The following RFX7 variants were observed in gnomAD, a reference collection of about 807,000 sequenced individuals.
RFX7 encodes DNA-binding protein RFX7.
In RFX7, 26 loss-of-function variants were observed where a neutral mutation model predicts 111.8. The observed-to-expected ratio is 0.23, with a 90% CI of 0.17 to 0.32. RFX7 has a LOEUF of 0.32. Among genes scored for constraint, RFX7 ranks in the 10% least tolerant of loss-of-function variants. The probability of loss-of-function intolerance (pLI) is 1.00; values close to 1 mark genes in which losing one functional copy is unlikely to be tolerated. For missense variants in RFX7, 1,573 were observed against 1,772.9 expected (o/e 0.89, Z 2.02); for synonymous variants, 624 against 624.4 (o/e 1.00, Z 0.01).
intron 5 of RFX7, among the ~76,000 whole-genome samples, chr15:56,139,831 AACAG>A (rs2042362606): frequency 6.6e-6 from 1 of 152,118 alleles, no homozygotes; most frequent in Non-Finnish European, 1.5e-5. Flanking sequence ...TTTTCCTTCT[AACAG>A]ACAGGACCCT....
rs1460013072 is a variant in RFX7, at chr15:56,095,333, G to C, written c.2395C>G (p.Gln799Glu). The stretch of plus-strand genomic sequence containing the variant: ...ATTGTCATAACACTGATATCTTGCT[G>C]TTGTTCACAACTGGCAGATATAAAC... ...SEFISASCEQ[Q>E]QDISVMTIPE... Residue 799 changes from glutamine to glutamate, a missense_variant, in exon 10 of 10, where the codon CAG becomes GAG. Around this residue, in one of 7 missense-constraint regions of RFX7, gnomAD observed 625 missense variants for 632.2 expected, o/e 0.99. Transcript: ENST00000559447. 1.9e-6 allele frequency: 3 copies of C among 1,613,908 alleles called. No homozygotes were observed. Among genetic ancestry groups the C allele is most frequent in the African/African-American group, 1.3e-5 (1 of 75,052 alleles).
chr15:56,239,984 CTTTTTTTTT>C (rs5812831), intron 2 of RFX7, among the ~76,000 whole-genome samples: 35 of 120,924 alleles, frequency 2.9e-4, no homozygotes, highest in East Asian at 8.6e-4. Context: ...TTTGGTATTT[CTTTTTTTTT>C]TTTTTTTTTT....
intron 2 of RFX7, among the ~76,000 whole-genome samples, chr15:56,181,787 C>A (rs2042976313): frequency 6.6e-6 from 1 of 150,600 alleles, no homozygotes; most frequent in South Asian, 2.1e-4. Context: ...ACTTGGTAAA[C>A]CTCTAAAAAA....
chr15:56,093,683 T>C lies in RFX7; in HGVS notation c.4045A>G (p.Thr1349Ala), dbSNP rs1327253294. 1 of 1,613,872 alleles carries C rather than the reference T, an allele frequency of 6.2e-7. No homozygotes were observed. Among genetic ancestry groups the C allele is most frequent in the South Asian group, 1.1e-5 (1 of 91,082 alleles). ...TCTCCACTCAACAGGTCTTTAACAG[T>C]GCTATTGAAATCTAATTGTTGCTCT... Reference protein sequence around the residue: ...IGEQQLDFNSTVKDLLSGDSL... With the variant: ...IGEQQLDFNSAVKDLLSGDSL... Residue 1349 changes from threonine to alanine, a missense_variant, in exon 10 of 10, where the codon ACT becomes GCT. Thr to Ala is a moderately conservative substitution (Grantham distance 58, BLOSUM62 0). This residue lies in a region of RFX7 where 411 missense variants were observed against 478.1 expected (regional missense o/e 0.86). Coordinates refer to ENST00000559447, the MANE Select transcript of RFX7 (RefSeq NM_022841.7).
chr15:56,099,705 G>A (rs1406902718), intron 8 of RFX7, among the ~76,000 whole-genome samples: 2 of 151,788 alleles, frequency 1.3e-5, no homozygotes, highest in Admixed American at 6.6e-5. Flanking sequence ...AATATAGTAA[G>A]GGCTGAGATC....
chr15:56,129,142 G>C (rs111952486), intron 5 of RFX7, among the ~76,000 whole-genome samples: 2 of 152,120 alleles, frequency 1.3e-5, no homozygotes, highest in Non-Finnish European at 2.9e-5. Flanking sequence ...TTGGGAGGCC[G>C]AAGTGGGTGT....
intron 2 of RFX7, among the ~76,000 whole-genome samples, chr15:56,215,127 G>C (rs1490926233): frequency 1.3e-5 from 2 of 152,046 alleles, no homozygotes; most frequent in Non-Finnish European, 2.9e-5. Context: ...TTATCAAATG[G>C]CACAGTATTT....
In RFX7 at chr15:56,095,367, T is replaced by G. The variant is rs1012799326; in HGVS notation, c.2361A>C (p.Lys787Asn). ...AACTGGCAGATATAAACTCAGAATC[T>G]TTAGTGATTTGTTGCCATCCATTTG... ...FNPNGWQQIT[K>N]DSEFISASCE... The change falls in exon 10 of 10, where the codon AAA (lysine) becomes AAC (asparagine). Residue 787 changes from lysine to asparagine, a missense_variant. This residue lies in a region of RFX7 where 625 missense variants were observed against 632.2 expected (regional missense o/e 0.99). Coordinates refer to ENST00000559447, the MANE Select transcript of RFX7 (RefSeq NM_022841.7). 6.2e-7 allele frequency: 1 copy of G among 1,613,738 alleles called. No homozygotes were observed. Among genetic ancestry groups the G allele is most frequent in the African/African-American group, 1.3e-5 (1 of 74,928 alleles).
chr15:56,178,166 T>TACACAC (rs140828561), intron 3 of RFX7, among the ~76,000 whole-genome samples: 43 of 119,674 alleles, frequency 3.6e-4, no homozygotes, highest in South Asian at 1.1e-3. Context: ...ACCAAAAAAC[T>TACACAC]ACACACACAC....
chr15:56,181,045 C>A (rs2042965670), intron 2 of RFX7, among the ~76,000 whole-genome samples: 1 of 152,228 alleles, frequency 6.6e-6, no homozygotes, highest in Non-Finnish European at 1.5e-5. Context: ...CTACTCCCAA[C>A]AAAGTGGCCA....
At chr15:56,186,100 A>ATATTTTTGTTTT (rs1413953199) in intron 2 of RFX7, among the ~76,000 whole-genome samples, 1 of 152,178 alleles carries the variant, frequency 6.6e-6, no homozygotes, top group African/African-American at 2.4e-5. Context: ...TCTACAAAAC[A>ATATTTTTGTTTT]GGCTTAAGGC....
rs1425235458 is a variant in RFX7, at chr15:56,095,040, C to A, written c.2688G>T (p.Gln896His). ...AATGAGAATTGTTCATTGACATTTG[C>A]TGCTCCATAAGCACCAGCTCTTCCA... is the stretch of plus-strand genomic sequence containing the variant. ...SIVEELVLME[Q>H]QMSMNNSHSY... Residue 896 changes from glutamine to histidine, a missense_variant, in exon 10 of 10, where the codon CAG becomes CAT. By Grantham distance (24) the Gln-to-His change is conservative. Around this residue, in one of 7 missense-constraint regions of RFX7, gnomAD observed 625 missense variants for 632.2 expected, o/e 0.99. Coordinates refer to ENST00000559447, the MANE Select transcript of RFX7 (RefSeq NM_022841.7). The A allele has an allele frequency of 1.9e-6, 3 of 1,613,802 alleles. No homozygotes were observed. Among genetic ancestry groups the A allele is most frequent in the Non-Finnish European group, 2.5e-6 (3 of 1,179,884 alleles).
rs370537684 is a variant in RFX7, at chr15:56,144,398, T to C, written c.278+3A>G. 9 of 1,347,316 alleles carry C rather than the reference T, an allele frequency of 6.7e-6. No individual in the cohort carries two copies. In the Admixed American group the frequency reaches 1.1e-4, roughly 17 times the overall value. The allele number at this position is 1,347,316 out of a possible 1,614,324, so 83.5% of individuals were successfully genotyped here. A position where few individuals can be genotyped will look rare whatever the true frequency, so the allele number is the denominator to read the frequency against. ...ATTATAGCAAAGACAAGAATAGATA[T>C]ACCTTTTCTCTCCATTGCTGAGACC... On this transcript the variant is annotated splice_donor_region_variant and intron_variant, in intron 4 of 9. Transcript: ENST00000559447.
Position 56,153,102 on chromosome 15 carries a change from C to A in RFX7, c.196-8619G>T, listed in dbSNP as rs34044869. Among the ~76,000 whole-genome samples, 4 of 151,968 alleles carry A rather than the reference C, an allele frequency of 2.6e-5. No individual in the cohort carries two copies. In the South Asian group the frequency reaches 8.3e-4, roughly 32 times the overall value. The stretch of plus-strand genomic sequence containing the variant: ...CAACCAAAAAAAGTCCATGACCAGA[C>A]GGATTCACAGCCGAATTCTACCAGA... On this transcript the variant is annotated intron_variant, in intron 3 of 9. Transcript: ENST00000559447.
chr15:56,189,107 C>T (rs1353407968), intron 2 of RFX7, among the ~76,000 whole-genome samples: 1 of 152,224 alleles, frequency 6.6e-6, no homozygotes, highest in East Asian at 1.9e-4. Flanking sequence ...GCGTGAGGCA[C>T]TGCGCCCCAC....
chr15:56,146,592 G>A, intron 3 of RFX7, among the ~76,000 whole-genome samples: 1 of 151,576 alleles, frequency 6.6e-6, no homozygotes, highest in South Asian at 2.1e-4. Flanking sequence ...TAAATATACT[G>A]GAAAAAAGAA....
chr15:56,225,401 T>C (rs1201952912), intron 2 of RFX7, among the ~76,000 whole-genome samples: 1 of 152,186 alleles, frequency 6.6e-6, no homozygotes, highest in African/African-American at 2.4e-5. Flanking sequence ...CTGTCTGAGC[T>C]ACCTCTCCAT....
intron 2 of RFX7, among the ~76,000 whole-genome samples, chr15:56,230,865 T>C (rs1596025508): frequency 6.6e-6 from 1 of 152,136 alleles, no homozygotes. Flanking sequence ...GAGGCCAAGG[T>C]GGGCAGACCA....
chr15:56,118,686 T>C (rs1429423832), intron 5 of RFX7, among the ~76,000 whole-genome samples: 11 of 152,210 alleles, frequency 7.2e-5, no homozygotes, highest in African/African-American at 2.7e-4. Context: ...GATATCCAGA[T>C]TTCCTTTCTT....
Sources: gnomAD v4.1 joint callset for allele counts (sites outside exome capture counted in the v4.1 genomes callset) on GRCh38, gnomAD v4.1.1 for gene constraint, gnomAD v4.1.1 regional missense constraint, MANE v1.5 for transcripts, NCBI Gene and HGNC (gene_info 2026-07-23, HGNC 2026-07-21) for gene names.